Variants in TFDP2 observed in about 807,000 individuals in gnomAD.
TFDP2 encodes the protein transcription factor Dp-2 (E2F dimerization partner 2).
Under a neutral mutation model 59.3 loss-of-function variants are expected in TFDP2, and 17 were observed. That is an observed-to-expected ratio of 0.29 (90% CI 0.20 to 0.43). The LOEUF is 0.43. Ranked by LOEUF, TFDP2 falls within the 20% of genes least tolerant of loss-of-function variation. The pLI is 1.00. For missense variants in TFDP2, 391 were observed against 528.8 expected, an observed-to-expected ratio of 0.74 and a Z score of 2.56; for synonymous variants, 180 against 194.7, an observed-to-expected ratio of 0.92 and a Z score of 0.63.
intron 1 of TFDP2, among the ~76,000 whole-genome samples, chr3:142,107,777 A>C (rs1200417895): frequency 6.6e-6 from 1 of 152,176 alleles, no homozygotes; most frequent in Non-Finnish European, 1.5e-5. Flanking sequence ...CACACCAGCA[A>C]AAGTGTTCTT....
intron 1 of TFDP2, among the ~76,000 whole-genome samples, chr3:142,116,044 T>C (rs1232695582): frequency 6.6e-6 from 1 of 151,858 alleles, no homozygotes; most frequent in Non-Finnish European, 1.5e-5. Flanking sequence ...AAATGGGATT[T>C]CTCTGTATTC....
rs1228611535 is a variant in TFDP2 at position 141,970,065 on chromosome 3, A to G, written c.732+8T>C. 1 of 1,613,084 alleles carries G rather than the reference A, an allele frequency of 6.2e-7. No individual in the cohort carries two copies. The highest frequency in any genetic ancestry group is 1.1e-5 in the South Asian group (1 of 91,068). ...GGGAAGGTAATGAAAACATCTCGGT[A>G]TCTTTACCTGTAGGAGAAGTTCTTG... On this transcript the variant is annotated splice_region_variant and intron_variant, in intron 9 of 12. Coordinates refer to ENST00000489671, the MANE Select transcript of TFDP2 (RefSeq NM_001178139.2).
intron 2 of TFDP2, among the ~76,000 whole-genome samples, chr3:142,099,519 T>G: frequency 6.6e-6 from 1 of 151,950 alleles, no homozygotes; most frequent in East Asian, 1.9e-4. Flanking sequence ...CTGACCAACA[T>G]GGAGAAACCC....
intron 9 of TFDP2, among the ~76,000 whole-genome samples, chr3:141,967,810 G>A (rs2107943085): frequency 6.6e-6 from 1 of 152,254 alleles, no homozygotes; most frequent in East Asian, 1.9e-4. Context: ...TGGTACAGAG[G>A]TAAGCAGGGA....
intron 10 of TFDP2, among the ~76,000 whole-genome samples, chr3:141,962,136 G>A (rs1937440628): frequency 6.6e-6 from 1 of 151,904 alleles, no homozygotes; most frequent in African/African-American, 2.4e-5. Flanking sequence ...TAGCCACAGG[G>A]TTTCACCATG....
At chr3:141,985,519 C>CAAAA (rs61684289) in intron 6 of TFDP2, among the ~76,000 whole-genome samples, 25 of 74,382 alleles carry the variant, frequency 3.4e-4, no homozygotes, top group African/African-American at 1.2e-3. Context: ...GACGCTGTCT[C>CAAAA]AAAAAAAAAA....
intron 2 of TFDP2, among the ~76,000 whole-genome samples, chr3:142,094,708 C>A (rs553823401): frequency 6.6e-6 from 1 of 152,298 alleles, no homozygotes; most frequent in African/African-American, 2.4e-5. Flanking sequence ...AGGTGTACAT[C>A]TTGATGTTTT....
intron 3 of TFDP2, among the ~76,000 whole-genome samples, chr3:142,050,263 C>CA (rs1225917255): frequency 0.017 from 1,751 of 105,362 alleles, 23 homozygotes; most frequent in African/African-American, 0.044. Flanking sequence ...GACTTCATCT[C>CA]AAAAAAAAAA....
At chr3:141,995,968 A>T (rs1467133376) in intron 4 of TFDP2, among the ~76,000 whole-genome samples, 1 of 151,604 alleles carries the variant, frequency 6.6e-6, no homozygotes, top group Non-Finnish European at 1.5e-5. Context: ...ACATTCTACC[A>T]TGTGGATTTA....
chr3:142,021,079 T>A (rs1256014367), intron 3 of TFDP2, among the ~76,000 whole-genome samples: 2 of 152,158 alleles, frequency 1.3e-5, no homozygotes, highest in East Asian at 3.9e-4. Context: ...TTTGATGCAT[T>A]TGTACTGAAC....
chr3:142,137,627 T>C (rs890007176), intron 1 of TFDP2, among the ~76,000 whole-genome samples: 5 of 152,236 alleles, frequency 3.3e-5, no homozygotes, highest in African/African-American at 1.2e-4. Context: ...TCTGCATCTA[T>C]TGACATAATC....
chr3:142,099,674 C>T (rs1335212141), intron 2 of TFDP2, among the ~76,000 whole-genome samples: 1 of 149,722 alleles, frequency 6.7e-6, no homozygotes, highest in Non-Finnish European at 1.5e-5. Flanking sequence ...TATTCCAGCC[C>T]GGGCAACAGA....
rs140651302 is a variant in TFDP2, at chr3:142,116,138, C to T, written c.-92-14297G>A. On this transcript the variant is annotated intron_variant, in intron 1 of 12. Transcript: ENST00000489671. ...GGAATGCAGTGGTGCAATCACAGCT[C>T]ATTGCAACTTCAAACTCCTGGGCTC... 3.9e-3 allele frequency among the ~76,000 whole-genome samples: 588 copies of T among 151,768 alleles called. 6 individuals are homozygous for T. Among genetic ancestry groups the T allele is most frequent in the African/African-American group, 0.014 (565 of 41,356 alleles).
In TFDP2 at chr3:141,963,759, T is replaced by G. The variant is rs1298714541; in HGVS notation, c.884+53A>C. 7.1e-6 allele frequency: 11 copies of G among 1,545,684 alleles called. No homozygotes were observed. In the East Asian group the frequency reaches 2.5e-4, roughly 35 times the overall value. On this transcript the variant is annotated intron_variant, in intron 10 of 12. Transcript: ENST00000489671. ...ATCCTTCTTGAGTTTGCAAATGATATGAAAATGTTAACAGAAGGCCAGCCC... is the reference window on the plus strand; with the variant it reads ...ATCCTTCTTGAGTTTGCAAATGATAGGAAAATGTTAACAGAAGGCCAGCCC...
intron 3 of TFDP2, among the ~76,000 whole-genome samples, chr3:142,049,563 CAAT>C (rs1422182653): frequency 6.6e-6 from 1 of 152,124 alleles, no homozygotes; most frequent in Non-Finnish European, 1.5e-5. Context: ...AGGAACAAGA[CAAT>C]GATGTATACC....
chr3:142,064,848 G>T (rs556484987), intron 3 of TFDP2, among the ~76,000 whole-genome samples: 55 of 152,286 alleles, frequency 3.6e-4, no homozygotes, highest in African/African-American at 1.3e-3. Context: ...GAAGATAAAA[G>T]ATGTGGTAAC....
chr3:142,040,148 C>T (rs1000250719), intron 3 of TFDP2, among the ~76,000 whole-genome samples: 5 of 151,980 alleles, frequency 3.3e-5, no homozygotes, highest in Admixed American at 6.5e-5. Context: ...CAGGCATGCA[C>T]ATTACCAAGA....
chr3:141,968,398 T>TA (rs1559937004), intron 9 of TFDP2, among the ~76,000 whole-genome samples: 1 of 110,012 alleles, frequency 9.1e-6, no homozygotes, highest in African/African-American at 3.3e-5. Context: ...ATATAACATA[T>TA]ATATCATATA....
chr3:141,958,368 A>T (rs1002258228), intron 11 of TFDP2, among the ~76,000 whole-genome samples: 1 of 152,214 alleles, frequency 6.6e-6, no homozygotes, highest in African/African-American at 2.4e-5. Flanking sequence ...CATAATATCG[A>T]GTGAAAAAAA....
Sources: gnomAD v4.1 joint callset for allele counts (sites outside exome capture counted in the v4.1 genomes callset) on GRCh38, gnomAD v4.1.1 for gene constraint, MANE v1.5 for transcripts, NCBI Gene and HGNC (gene_info 2026-07-23, HGNC 2026-07-21) for gene names.